CDH18: variants seen among roughly 807,000 people sequenced by gnomAD.
CDH18 encodes the protein cadherin 18, also known as cadherin-18.
A neutral mutation model predicts 67.9 loss-of-function variants in CDH18; 31 were observed. That is an observed-to-expected ratio of 0.46 (90% CI 0.34 to 0.62). CDH18 has a LOEUF of 0.62. Ranked by LOEUF, CDH18 falls within the 20% of genes least tolerant of loss-of-function variation. The probability of loss-of-function intolerance (pLI) is 0.01; values close to 1 mark genes in which losing one functional copy is unlikely to be tolerated. For synonymous variants in CDH18, 362 were observed against 347.2 expected (o/e 1.04, Z -0.48); for missense variants, 890 against 975.5 (o/e 0.91, Z 1.17).
intron 2 of CDH18, among the ~76,000 whole-genome samples, chr5:20,041,890 A>G (rs1425297042): frequency 2.0e-5 from 3 of 152,228 alleles, no homozygotes; most frequent in Non-Finnish European, 4.4e-5. Context: ...GTAACAGATC[A>G]TTTGTATTAT....
intron 2 of CDH18, among the ~76,000 whole-genome samples, chr5:20,250,750 C>T (rs1286363247): frequency 3.3e-5 from 5 of 151,720 alleles, no homozygotes; most frequent in African/African-American, 9.7e-5. Flanking sequence ...GGATTACAGG[C>T]GCATGCCACC....
rs115415159 is a variant in CDH18, at chr5:19,645,855, T to C, written c.644-33254A>G. Among the ~76,000 whole-genome samples, 1,118 of 152,234 alleles carry C rather than the reference T, an allele frequency of 7.3e-3. 14 individuals carry two copies. The highest frequency in any genetic ancestry group is 0.025 in the African/African-American group (1,055 of 41,536). On this transcript the variant is annotated intron_variant, in intron 5 of 12. Coordinates refer to ENST00000382275, the MANE Select transcript of CDH18 (RefSeq NM_004934.5). Reference sequence around the variant, plus strand: ...AATCTTAAAGTAGCAGGTATACAGATACATTTACTTTATAAAAAGGAAGAA... The same window carrying C: ...AATCTTAAAGTAGCAGGTATACAGACACATTTACTTTATAAAAAGGAAGAA...
chr5:19,934,111 G>A (rs1911843), intron 2 of CDH18, among the ~76,000 whole-genome samples: 90,615 of 150,668 alleles, frequency 0.6, 27,617 homozygotes, highest in Middle Eastern at 0.74. Context: ...TAGGACAACA[G>A]GTGGTAAAAA....
intron 1 of CDH18, among the ~76,000 whole-genome samples, chr5:20,415,654 T>C (rs1157096869): frequency 6.9e-6 from 1 of 145,534 alleles, no homozygotes; most frequent in East Asian, 2.1e-4. Flanking sequence ...GCACCTGCAG[T>C]CCCAGCTACT....
chr5:20,135,279 G>A (rs922822289), intron 2 of CDH18, among the ~76,000 whole-genome samples: 1 of 152,070 alleles, frequency 6.6e-6, no homozygotes, highest in Non-Finnish European at 1.5e-5. Context: ...GCTGTTATTT[G>A]TCTATTCAGG....
chr5:20,122,949 CTTT>C (rs968243454), intron 2 of CDH18, among the ~76,000 whole-genome samples: 5 of 147,824 alleles, frequency 3.4e-5, no homozygotes, highest in African/African-American at 9.8e-5. Context: ...TTATATTCTT[CTTT>C]AACATTTTAA....
chr5:19,862,278 A>C (rs1438349822), intron 2 of CDH18, among the ~76,000 whole-genome samples: 1 of 152,184 alleles, frequency 6.6e-6, no homozygotes, highest in Non-Finnish European at 1.5e-5. Flanking sequence ...TGTTTGTAGC[A>C]CTGAGGAAAG....
intron 2 of CDH18, among the ~76,000 whole-genome samples, chr5:19,907,422 A>G (rs1790657978): frequency 6.6e-6 from 1 of 151,978 alleles, no homozygotes; most frequent in Non-Finnish European, 1.5e-5. Flanking sequence ...TTTTCTATAC[A>G]CCTTATACAC....
intron 2 of CDH18, among the ~76,000 whole-genome samples, chr5:20,250,638 T>G (rs1398918230): frequency 3.2e-5 from 4 of 124,566 alleles, no homozygotes; most frequent in Non-Finnish European, 6.5e-5. Context: ...AATCTTGTTC[T>G]GTCGCCCAGG....
intron 2 of CDH18, among the ~76,000 whole-genome samples, chr5:20,193,608 C>T (rs1175812685): frequency 6.6e-6 from 1 of 152,092 alleles, no homozygotes; most frequent in Non-Finnish European, 1.5e-5. Context: ...ATGAAGCCAA[C>T]ATCATCCTGA....
At chr5:20,383,675 A>T (rs1744092262) in intron 1 of CDH18, among the ~76,000 whole-genome samples, 1 of 152,146 alleles carries the variant, frequency 6.6e-6, no homozygotes, top group Non-Finnish European at 1.5e-5. Context: ...TGTTATACCA[A>T]AATGCCTTTT....
chr5:20,251,930 A>G (rs1049023154), intron 2 of CDH18, among the ~76,000 whole-genome samples: 1 of 152,208 alleles, frequency 6.6e-6, no homozygotes, highest in African/African-American at 2.4e-5. Context: ...TACTAATCTA[A>G]AAAGTTAGGA....
chr5:19,579,595 T>A (rs1321890627), intron 7 of CDH18, among the ~76,000 whole-genome samples: 1 of 151,880 alleles, frequency 6.6e-6, no homozygotes, highest in African/African-American at 2.4e-5. Context: ...TTGTAACTTT[T>A]AATTTTTGTT....
At chr5:19,637,839 C>A (rs1265699254) in intron 5 of CDH18, among the ~76,000 whole-genome samples, 1 of 152,138 alleles carries the variant, frequency 6.6e-6, no homozygotes, top group Non-Finnish European at 1.5e-5. Flanking sequence ...TGACCCTAAT[C>A]TCACTCCTAA....
At chr5:19,679,490 A>G (rs1033283275) in intron 5 of CDH18, among the ~76,000 whole-genome samples, 4 of 152,020 alleles carry the variant, frequency 2.6e-5, no homozygotes, top group Non-Finnish European at 5.9e-5. Context: ...AAGACATCCA[A>G]ATGAGACTAG....
intron 5 of CDH18, among the ~76,000 whole-genome samples, chr5:19,672,009 TA>T (rs1478199101): frequency 6.6e-6 from 1 of 152,158 alleles, no homozygotes; most frequent in Non-Finnish European, 1.5e-5. Context: ...TTTCATGGTA[TA>T]AACTGAGCTA....
At chr5:19,574,896 G>A (rs902799075) in intron 7 of CDH18, among the ~76,000 whole-genome samples, 37 of 152,136 alleles carry the variant, frequency 2.4e-4, no homozygotes, top group African/African-American at 8.4e-4. Context: ...AAAATTAGCC[G>A]GGTGTGGTTG....
intron 2 of CDH18, among the ~76,000 whole-genome samples, chr5:20,191,114 G>C (rs1226334349): frequency 6.6e-6 from 1 of 152,056 alleles, no homozygotes; most frequent in Admixed American, 6.6e-5. Flanking sequence ...AATAATTTAA[G>C]GATTTTTAAT....
chr5:19,730,752 CA>C (rs1322304876), intron 4 of CDH18, among the ~76,000 whole-genome samples: 1 of 120,612 alleles, frequency 8.3e-6, no homozygotes, highest in African/African-American at 3.1e-5. Context: ...CATTTTCACA[CA>C]GAAGTATTAA....
Sources: allele counts gnomAD v4.1 joint callset (sites outside exome capture counted in the v4.1 genomes callset), GRCh38; gene constraint gnomAD v4.1.1; transcripts MANE v1.5; gene names NCBI Gene and HGNC (gene_info 2026-07-23, HGNC 2026-07-21).